ERCC8: variants seen among roughly 807,000 people sequenced by gnomAD.
The protein encoded by ERCC8 is DNA excision repair protein ERCC-8.
ERCC8 carries 52 observed loss-of-function variants against 54.9 expected under a neutral mutation model. That is an observed-to-expected ratio of 0.95 (90% CI 0.76 to 1.19). ERCC8 has a LOEUF of 1.19. Ranked by LOEUF, ERCC8 falls within the 50% of genes most tolerant of loss-of-function variation. The pLI is 0.00. For synonymous variants in ERCC8, 146 were observed against 157.2 expected (o/e 0.93, Z 0.53); for missense variants, 514 against 466.1 (o/e 1.10, Z -0.95).
At chr5:60,888,378 C>T (rs1473645372) in intron 10 of ERCC8, among the ~76,000 whole-genome samples, 2 of 152,084 alleles carry the variant, frequency 1.3e-5, no homozygotes, top group South Asian at 2.1e-4. Context: ...TAAAGTTACA[C>T]TAACTGTGGC....
intron 9 of ERCC8, among the ~76,000 whole-genome samples, chr5:60,894,568 T>C (rs1748668443): frequency 6.6e-6 from 1 of 152,026 alleles, no homozygotes; most frequent in African/African-American, 2.4e-5. Flanking sequence ...TCTTTGCTTG[T>C]ACTCCAAAGG....
rs281875225 is a variant in ERCC8 at position 60,898,322 on chromosome 5, T to G, written c.797A>C (p.Asp266Ala). ...DGLHLLTVGT[D>A]NRMRLWNSSN... ...ACTATTCCAGAGCCTCATTCGATTA[T>G]CTGTACCAACAGTGAGGAGGTGAAG... The change falls in exon 9 of 12, where the codon GAT (aspartate) becomes GCT (alanine). Residue 266 changes from aspartate to alanine, a missense_variant. By Grantham distance (126) the Asp-to-Ala change is moderately radical. Transcript: ENST00000676185. 1 of 1,613,718 alleles carries G rather than the reference T, an allele frequency of 6.2e-7. No individual in the cohort carries two copies. Among genetic ancestry groups the G allele is most frequent in the Admixed American group, 1.7e-5 (1 of 60,014 alleles).
intron 8 of ERCC8, among the ~76,000 whole-genome samples, chr5:60,899,404 A>C (rs559527786): frequency 6.6e-6 from 1 of 152,188 alleles, no homozygotes; most frequent in South Asian, 2.1e-4. Flanking sequence ...TCTACTTTTG[A>C]AAATTTGGGG....
At chr5:60,915,898 CG>C (rs1182719712) in intron 4 of ERCC8, among the ~76,000 whole-genome samples, 1 of 151,870 alleles carries the variant, frequency 6.6e-6, no homozygotes, top group Admixed American at 6.6e-5. Context: ...CATCTGGGAG[CG>C]GGACATGATG....
rs532223139 is a variant in ERCC8, at chr5:60,891,653, G to C, written c.844-567C>G. Among the ~76,000 whole-genome samples, 404 of 132,514 alleles carry C rather than the reference G, an allele frequency of 3.0e-3. 1 individual carries two copies. The highest frequency in any genetic ancestry group is 4.6e-3 in the Non-Finnish European group (289 of 63,162). The allele number at this position is 132,514 out of a possible 152,430, so 86.9% of individuals were successfully genotyped here. On this transcript the variant is annotated intron_variant, in intron 9 of 11. Coordinates refer to ENST00000676185, the MANE Select transcript of ERCC8 (RefSeq NM_000082.4). Reference sequence around the variant, plus strand: ...GAGGGGGTAATGATATTTTTTGGGGGGGCATATTCTTTTTTTTTTTTCCTG... The same window carrying C: ...GAGGGGGTAATGATATTTTTTGGGGCGGCATATTCTTTTTTTTTTTTCCTG...
chr5:60,895,888 G>A (rs969045139), intron 9 of ERCC8, among the ~76,000 whole-genome samples: 3 of 152,182 alleles, frequency 2.0e-5, no homozygotes, highest in Non-Finnish European at 2.9e-5. Context: ...TGTTGAATGA[G>A]GTATGAATAT....
rs1199554978 is a variant in ERCC8 at position 60,891,060 on chromosome 5, G to T, written c.870C>A (p.Asn290Lys). The T allele has an allele frequency of 6.2e-7, 1 of 1,611,816 alleles. No homozygotes were observed. Among genetic ancestry groups the T allele is most frequent in the Non-Finnish European group, 8.5e-7 (1 of 1,179,296 alleles). ...TLVNYGKVCN[N>K]SKKGLKFTVS... ...CAGTGAATTTCAATCCTTTTTTACT[G>T]TTATTACAAACTTTTCCATAGTTCA... Residue 290 changes from asparagine (N) to lysine (K), a missense_variant, in exon 10 of 12, where the codon AAC (asparagine) becomes AAA (lysine). Coordinates refer to ENST00000676185, the MANE Select transcript of ERCC8 (RefSeq NM_000082.4).
intron 4 of ERCC8, 138 bp downstream of exon 4, chr5:60,918,127 G>T: frequency 1.4e-6 from 1 of 699,108 alleles, no homozygotes; most frequent in Non-Finnish European, 2.5e-6. Context: ...AACTCAAGTA[G>T]TCTAGCTCTT....
At chr5:60,896,858 T>C (rs1319404534) in intron 9 of ERCC8, among the ~76,000 whole-genome samples, 2 of 152,326 alleles carry the variant, frequency 1.3e-5, no homozygotes, top group South Asian at 2.1e-4. Context: ...GTACCATTTA[T>C]ATTTATCACA....
intron 9 of ERCC8, chr5:60,893,620 TCTTCCTATA>T: frequency 1.7e-6 from 1 of 601,782 alleles, no homozygotes; most frequent in South Asian, 1.9e-5. Context: ...CCGCTTGCTC[TCTTCCTATA>T]CTTCCGGCGG....
At chr5:60,904,081 T>C (rs1403521122) in intron 5 of ERCC8, among the ~76,000 whole-genome samples, 3 of 152,078 alleles carry the variant, frequency 2.0e-5, no homozygotes, top group East Asian at 3.9e-4. Flanking sequence ...TATTGGTAAA[T>C]GTGTATGTAT....
At chr5:60,888,586 A>G (rs1213458559) in intron 10 of ERCC8, among the ~76,000 whole-genome samples, 1 of 152,222 alleles carries the variant, frequency 6.6e-6, no homozygotes, top group African/African-American at 2.4e-5. Flanking sequence ...TTAAATTAGA[A>G]TGACTAACAA....
intron 1 of ERCC8, among the ~76,000 whole-genome samples, chr5:60,932,761 G>C (rs1215769672): frequency 1.3e-5 from 2 of 152,078 alleles, no homozygotes; most frequent in Non-Finnish European, 2.9e-5. Context: ...AAAACCTGGG[G>C]ATGGTCTTGA....
chr5:60,929,107 C>A, intron 1 of ERCC8, 148 bp from the exon 2 acceptor site: 1 of 594,084 alleles, frequency 1.7e-6, no homozygotes. Context: ...GATTTTTAGA[C>A]ATCTTGTATA....
intron 9 of ERCC8, chr5:60,892,540 G>A (rs1748593518): frequency 1.6e-6 from 1 of 634,954 alleles, no homozygotes; most frequent in South Asian, 1.5e-5. Context: ...TCCTGACTGT[G>A]TAAGTCTCTC....
intron 4 of ERCC8, among the ~76,000 whole-genome samples, chr5:60,916,671 T>C (rs1369008618): frequency 6.6e-6 from 1 of 152,052 alleles, no homozygotes; most frequent in Non-Finnish European, 1.5e-5. Flanking sequence ...TATTCTAATG[T>C]AGCAAGGTCA....
In ERCC8 at chr5:60,868,746, A is replaced by C. The variant is rs561644260; in HGVS notation, c.*5869T>G. On this transcript the variant is annotated 3_prime_UTR_variant, in exon 12 of 12. Transcript: ENST00000676185. ...GTAGCACATTAAGAACTACACACATATTCTTTGCAAAGAAGAAAAAATGTT... is the reference window on the plus strand; with the variant it reads ...GTAGCACATTAAGAACTACACACATCTTCTTTGCAAAGAAGAAAAAATGTT... 1.3e-5 allele frequency among the ~76,000 whole-genome samples: 2 copies of C among 152,318 alleles called. No homozygotes were observed. Among genetic ancestry groups the C allele is most frequent in the African/African-American group, 4.8e-5 (2 of 41,570 alleles).
At chr5:60,887,110 G>A (rs1406294561) in intron 11 of ERCC8, among the ~76,000 whole-genome samples, 1 of 152,130 alleles carries the variant, frequency 6.6e-6, no homozygotes, top group African/African-American at 2.4e-5. Context: ...TGTTAATATT[G>A]ATTAATTTGA....
chr5:60,887,600 A>T (rs1012767485), intron 10 of ERCC8, 80 bp from the exon 11 acceptor site: 1 of 1,032,590 alleles, frequency 9.7e-7, no homozygotes, highest in Non-Finnish European at 1.5e-6. Flanking sequence ...TTTTTGAAAT[A>T]ATTAGGTCAT....
Sources: allele counts gnomAD v4.1 joint callset (sites outside exome capture counted in the v4.1 genomes callset), GRCh38; gene constraint gnomAD v4.1.1; transcripts MANE v1.5; gene names NCBI Gene and HGNC (gene_info 2026-07-23, HGNC 2026-07-21).